SCARA5: variants seen among roughly 807,000 people sequenced by gnomAD.
SCARA5 encodes scavenger receptor class A member 5, also known as scavenger receptor class A, member 5 (putative).
Under a neutral mutation model 46.3 loss-of-function variants are expected in SCARA5, and 45 were observed. The ratio of observed to expected loss-of-function variants is 0.97; its 90% CI spans 0.76 to 1.24. SCARA5 has a LOEUF of 1.24. Ranked by LOEUF, SCARA5 falls within the 50% of genes most tolerant of loss-of-function variation. The pLI is 0.00. For synonymous variants in SCARA5, 333 were observed against 306.5 expected (o/e 1.09, Z -0.90); for missense variants, 680 against 689.0 (o/e 0.99, Z 0.15).
Position 27,898,107 on chromosome 8 carries a change from C to G in SCARA5, c.1153+6671G>C, listed in dbSNP as rs143147906. 2.0e-3 allele frequency among the ~76,000 whole-genome samples: 300 copies of G among 152,354 alleles called. 3 individuals are homozygous for G. Among genetic ancestry groups the G allele is most frequent in the African/African-American group, 7.0e-3 (289 of 41,576 alleles). Reference sequence around the variant, plus strand: ...AGCTCAGCTGTCCCTGACTCGCAGGCGCCTCTGCACATCCTTATTTTACCA... The same window carrying G: ...AGCTCAGCTGTCCCTGACTCGCAGGGGCCTCTGCACATCCTTATTTTACCA... On this transcript the variant is annotated intron_variant, in intron 7 of 8. Coordinates refer to ENST00000354914, the MANE Select transcript of SCARA5 (RefSeq NM_173833.6).
At chr8:27,980,910 G>A (rs1027338844) in intron 2 of SCARA5, among the ~76,000 whole-genome samples, 1 of 152,118 alleles carries the variant, frequency 6.6e-6, no homozygotes. Flanking sequence ...GGATCAGCCC[G>A]AAAACACTCT....
intron 3 of SCARA5, among the ~76,000 whole-genome samples, chr8:27,945,631 G>A (rs1387832077): frequency 6.6e-6 from 1 of 152,216 alleles, no homozygotes; most frequent in Non-Finnish European, 1.5e-5. Context: ...AATAAGATGT[G>A]AGTGTCAATC....
At chr8:27,922,296 C>T (rs778369143) in intron 3 of SCARA5, 51 bp from the exon 4 acceptor site, 17 of 1,377,874 alleles carry the variant, frequency 1.2e-5, no homozygotes, top group Middle Eastern at 3.8e-4. Context: ...AGGAAGGCCC[C>T]GGGTGACAAG....
intron 4 of SCARA5, among the ~76,000 whole-genome samples, chr8:27,911,618 G>A (rs1807377595): frequency 6.6e-6 from 1 of 152,134 alleles, no homozygotes; most frequent in Admixed American, 6.6e-5. Context: ...CTGAATCCGG[G>A]AGGCAGAGGC....
chr8:27,893,443 CTT>C (rs1025532023), intron 7 of SCARA5, among the ~76,000 whole-genome samples: 13 of 152,082 alleles, frequency 8.5e-5, no homozygotes, highest in African/African-American at 2.9e-4. Context: ...TCTTTGCTCT[CTT>C]TGTTTTGTAA....
intron 7 of SCARA5, among the ~76,000 whole-genome samples, chr8:27,894,362 CT>C (rs1271955453): frequency 1.3e-5 from 2 of 152,258 alleles, no homozygotes; most frequent in Non-Finnish European, 2.9e-5. Flanking sequence ...AATAACAGCC[CT>C]CTCCAAACAT....
intron 8 of SCARA5, among the ~76,000 whole-genome samples, chr8:27,874,357 C>T (rs559904712): frequency 6.6e-6 from 1 of 152,340 alleles, no homozygotes; most frequent in East Asian, 1.9e-4. Context: ...AGAGGCCCTG[C>T]CCTGGCCTCT....
chr8:27,975,156 C>T lies in SCARA5; in HGVS notation c.113-8614G>A, dbSNP rs527499994. On this transcript the variant is annotated intron_variant, in intron 2 of 8. Transcript: ENST00000354914. ...ATCAATAGCCAGCGATTTAATCAAT[C>T]ATGCCTACATAATGAAGCTTCCATA... is the stretch of plus-strand genomic sequence containing the variant. 8.3e-4 allele frequency among the ~76,000 whole-genome samples: 127 copies of T among 152,226 alleles called. 1 individual carries two copies. Among genetic ancestry groups the T allele is most frequent in the African/African-American group, 2.9e-3 (122 of 41,526 alleles).
At chr8:27,948,282 G>T (rs1372104030) in intron 3 of SCARA5, among the ~76,000 whole-genome samples, 1 of 152,130 alleles carries the variant, frequency 6.6e-6, no homozygotes, top group Non-Finnish European at 1.5e-5. Flanking sequence ...GGAGGGTCTG[G>T]CTGCTCCAGG....
At chr8:27,981,107 C>G (rs928099364) in intron 2 of SCARA5, among the ~76,000 whole-genome samples, 1 of 152,124 alleles carries the variant, frequency 6.6e-6, no homozygotes, top group Non-Finnish European at 1.5e-5. Context: ...AGGCGCTTTA[C>G]CCGGGTTATA....
intron 7 of SCARA5, among the ~76,000 whole-genome samples, chr8:27,888,504 G>T (rs1200584728): frequency 6.6e-6 from 1 of 152,160 alleles, no homozygotes; most frequent in African/African-American, 2.4e-5. Context: ...TTAGAAATTT[G>T]CCTGTAACTT....
chr8:27,914,243 G>A (rs530774117), intron 4 of SCARA5, among the ~76,000 whole-genome samples: 2 of 152,340 alleles, frequency 1.3e-5, no homozygotes, highest in Admixed American at 1.3e-4. Flanking sequence ...CATGTGGACT[G>A]TGAGTCCATT....
chr8:27,878,827 G>A (rs924303039), intron 8 of SCARA5, among the ~76,000 whole-genome samples: 7 of 152,198 alleles, frequency 4.6e-5, no homozygotes, highest in Non-Finnish European at 5.9e-5. Context: ...GGTGGCTCAC[G>A]CCTGTAATCC....
intron 3 of SCARA5, among the ~76,000 whole-genome samples, chr8:27,956,918 C>G (rs1808216018): frequency 6.6e-6 from 1 of 152,208 alleles, no homozygotes. Context: ...CTTATAACTT[C>G]TCTCCAAAAG....
At chr8:27,973,519 T>C (rs556261442) in intron 2 of SCARA5, among the ~76,000 whole-genome samples, 1 of 152,302 alleles carries the variant, frequency 6.6e-6, no homozygotes, top group Non-Finnish European at 1.5e-5. Flanking sequence ...GGGCTTTCTT[T>C]GCATATCCAG....
intron 4 of SCARA5, 91 bp downstream of exon 4, chr8:27,921,480 G>T: frequency 2.7e-6 from 3 of 1,111,874 alleles, no homozygotes; most frequent in East Asian, 2.7e-5. Context: ...GGGTGGGGCT[G>T]GGGTACTCCT....
At chr8:27,918,800 G>T (rs1185714234) in intron 4 of SCARA5, among the ~76,000 whole-genome samples, 10 of 151,372 alleles carry the variant, frequency 6.6e-5, no homozygotes, top group Admixed American at 6.6e-4. Flanking sequence ...GAAAGAGGAG[G>T]AGGAGGAGGG....
chr8:27,890,524 G>A (rs4582511), intron 7 of SCARA5, among the ~76,000 whole-genome samples: 29,013 of 152,222 alleles, frequency 0.19, 2,942 homozygotes, highest in East Asian at 0.38. Flanking sequence ...AATAGATGGC[G>A]TGGAGGGCAA....
At chr8:27,894,087 T>C (rs536505559) in intron 7 of SCARA5, among the ~76,000 whole-genome samples, 2 of 152,348 alleles carry the variant, frequency 1.3e-5, no homozygotes, top group African/African-American at 4.8e-5. Flanking sequence ...AGAGAATGAT[T>C]ATCTACTGAG....
Sources: gnomAD v4.1 joint callset for allele counts (sites outside exome capture counted in the v4.1 genomes callset) on GRCh38, gnomAD v4.1.1 for gene constraint, MANE v1.5 for transcripts, NCBI Gene and HGNC (gene_info 2026-07-23, HGNC 2026-07-21) for gene names.